The following ARHGAP6 variants were observed in gnomAD, a reference collection of about 807,000 sequenced individuals.
The protein encoded by ARHGAP6 is rho GTPase-activating protein 6.
In ARHGAP6, 16 loss-of-function variants were observed where a neutral mutation model predicts 55.7. The ratio of observed to expected loss-of-function variants is 0.29; its 90% CI spans 0.19 to 0.44. The LOEUF (loss-of-function observed/expected upper bound fraction) is 0.44, where lower values mean the gene tolerates loss of function less well. ARHGAP6 is among the 20% of genes least tolerant of loss of function. The pLI is 1.00. For missense variants in ARHGAP6, 698 were observed against 808.9 expected, an observed-to-expected ratio of 0.86 and a Z score of 1.66; for synonymous variants, 382 against 360.9, an observed-to-expected ratio of 1.06 and a Z score of -0.66.
At chrX:11,327,304 G>A (rs1419004916) in intron 1 of ARHGAP6, among the ~76,000 whole-genome samples, 10 of 112,206 alleles carry the variant, frequency 8.9e-5, no homozygotes, top group Non-Finnish European at 1.1e-4. Flanking sequence ...CACACATTTC[G>A]TTTTAAAGAC....
At chrX:11,618,304 C>T (rs2052189593) in intron 1 of ARHGAP6, among the ~76,000 whole-genome samples, 1 of 112,087 alleles carries the variant, frequency 8.9e-6, no homozygotes, top group South Asian at 3.7e-4. Context: ...TGTTCCAAGC[C>T]ACTAAGTTTG....
chrX:11,364,250 G>A (rs773867552), intron 1 of ARHGAP6, among the ~76,000 whole-genome samples: 1 of 108,991 alleles, frequency 9.2e-6, no homozygotes, highest in Non-Finnish European at 1.9e-5. Context: ...TACCTATTGA[G>A]TACTATGTTT....
In ARHGAP6 at chrX:11,254,716, CAA is replaced by C. The variant is rs751080433; in HGVS notation, c.589-11_589-10del. 0.049 allele frequency: 35,315 copies of C among 725,635 alleles called. No homozygotes were observed. Among genetic ancestry groups the C allele is most frequent in the East Asian group, 0.063 (1,173 of 18,483 alleles). 59.8% of individuals were successfully genotyped at this position (725,635 alleles called of 1,213,427 possible). On this transcript the variant is annotated splice_polypyrimidine_tract_variant and intron_variant, in intron 1 of 12. Coordinates refer to ENST00000337414, the MANE Select transcript of ARHGAP6 (RefSeq NM_013427.3). ...TTCCAGGTGAAATCACCCTGTAGGCCAAAAAAAAAAAAAAAAAAAAAATCAAG... is the reference window on the plus strand; with the variant it reads ...TTCCAGGTGAAATCACCCTGTAGGCCAAAAAAAAAAAAAAAAAAAATCAAG...
intron 1 of ARHGAP6, among the ~76,000 whole-genome samples, chrX:11,502,710 G>T (rs2050691887): frequency 9.0e-6 from 1 of 110,937 alleles, no homozygotes; most frequent in African/African-American, 3.3e-5. Flanking sequence ...TTATTCTTAT[G>T]ATTTTCTTAA....
chrX:11,297,710 T>G (rs1456040440), intron 1 of ARHGAP6, among the ~76,000 whole-genome samples: 1 of 112,211 alleles, frequency 8.9e-6, no homozygotes, highest in Non-Finnish European at 1.9e-5. Flanking sequence ...AGGCAAGATT[T>G]TCTGTTGAAC....
intron 1 of ARHGAP6, among the ~76,000 whole-genome samples, chrX:11,589,621 A>T: frequency 9.1e-6 from 1 of 110,391 alleles, no homozygotes; most frequent in South Asian, 3.9e-4. Context: ...GAAGGAAAAA[A>T]GGTGTTTAGT....
intron 2 of ARHGAP6, among the ~76,000 whole-genome samples, chrX:11,206,543 A>AT (rs2046707300): frequency 1.8e-5 from 2 of 112,140 alleles, no homozygotes; most frequent in Admixed American, 1.9e-4. Flanking sequence ...ATCTGCCAAC[A>AT]TTCAGCTTGC....
chrX:11,331,462 G>A (rs2048562493), intron 1 of ARHGAP6, among the ~76,000 whole-genome samples: 1 of 112,057 alleles, frequency 8.9e-6, no homozygotes, highest in South Asian at 3.7e-4. Context: ...AAATAAACGT[G>A]TATGCCTTTT....
At chrX:11,376,699 G>A (rs1023797238) in intron 1 of ARHGAP6, among the ~76,000 whole-genome samples, 3 of 112,545 alleles carry the variant, frequency 2.7e-5, no homozygotes, top group Non-Finnish European at 5.6e-5. Context: ...AATTATTACA[G>A]CAAAATGCTT....
intron 1 of ARHGAP6, among the ~76,000 whole-genome samples, chrX:11,621,361 C>T (rs2052227705): frequency 9.0e-6 from 1 of 111,157 alleles, no homozygotes; most frequent in Non-Finnish European, 1.9e-5. Context: ...TCAAAACAAG[C>T]ATGTTTAAAA....
At chrX:11,467,027 A>G (rs1473738606) in intron 1 of ARHGAP6, among the ~76,000 whole-genome samples, 1 of 112,291 alleles carries the variant, frequency 8.9e-6, no homozygotes, top group Non-Finnish European at 1.9e-5. Flanking sequence ...CCTTGAAGTC[A>G]TTTGTTGAAT....
chrX:11,165,466 AAC>A (rs1387658847), intron 9 of ARHGAP6, among the ~76,000 whole-genome samples: 1 of 111,961 alleles, frequency 8.9e-6, no homozygotes, highest in African/African-American at 3.3e-5. Flanking sequence ...AAAACACCCA[AAC>A]ACGCTTTGAT....
Position 11,237,045 on chromosome X carries a change from C to T in ARHGAP6, c.748+17503G>A, listed in dbSNP as rs1455601753. ...GGATGATGGGCAAGAAGCGCTAAGG[C>T]TCATTTCTCATCCAGGCAATCATGG... On this transcript the variant is annotated intron_variant, in intron 2 of 12. Transcript: ENST00000337414. 4.4e-5 allele frequency among the ~76,000 whole-genome samples: 5 copies of T among 112,800 alleles called. No individual in the cohort carries two copies. In the East Asian group the frequency reaches 1.4e-3, roughly 31 times the overall value.
At chrX:11,224,313 A>G in intron 2 of ARHGAP6, 1 of 390,892 alleles carries the variant, frequency 2.6e-6, no homozygotes, top group Non-Finnish European at 3.5e-6. Context: ...AAAGATGAAG[A>G]AGAGAGAAGA....
chrX:11,607,305 C>T (rs190194532), intron 1 of ARHGAP6, among the ~76,000 whole-genome samples: 1 of 111,596 alleles, frequency 9.0e-6, no homozygotes, highest in Non-Finnish European at 1.9e-5. Context: ...AACAGAGGTC[C>T]AAAGAGATGT....
chrX:11,228,180 GA>G (rs1246756135), intron 2 of ARHGAP6, among the ~76,000 whole-genome samples: 2 of 111,591 alleles, frequency 1.8e-5, no homozygotes, highest in East Asian at 2.8e-4. Context: ...ACTACCTGGT[GA>G]AAAAATATGG....
chrX:11,605,936 G>A (rs2147147246), intron 1 of ARHGAP6, among the ~76,000 whole-genome samples: 1 of 110,641 alleles, frequency 9.0e-6, no homozygotes, highest in Admixed American at 9.6e-5. Context: ...ATCCCGGGGA[G>A]AAAAGAATAG....
At chrX:11,546,433 A>C (rs1225965339) in intron 1 of ARHGAP6, among the ~76,000 whole-genome samples, 1 of 111,896 alleles carries the variant, frequency 8.9e-6, no homozygotes, top group Non-Finnish European at 1.9e-5. Flanking sequence ...TTCTTTCCCA[A>C]ATTCCATCAG....
chrX:11,153,165 C>T (rs913752569), intron 10 of ARHGAP6, among the ~76,000 whole-genome samples: 18 of 111,613 alleles, frequency 1.6e-4, no homozygotes, highest in African/African-American at 5.9e-4. Flanking sequence ...TCATAGACTA[C>T]CTCCCCGAGT....
Sources: allele counts gnomAD v4.1 joint callset (sites outside exome capture counted in the v4.1 genomes callset), GRCh38; gene constraint gnomAD v4.1.1; transcripts MANE v1.5; gene names NCBI Gene and HGNC (gene_info 2026-07-23, HGNC 2026-07-21).